The following GRM7 variants were observed in gnomAD, a reference collection of about 807,000 sequenced individuals.
GRM7 encodes the protein glutamate metabotropic receptor 7.
A neutral mutation model predicts 84.5 loss-of-function variants in GRM7; 35 were observed. The observed-to-expected ratio is 0.41, with a 90% CI of 0.32 to 0.55. GRM7 has a LOEUF of 0.55. Among genes scored for constraint, GRM7 ranks in the 20% least tolerant of loss-of-function variants. The pLI is 0.19. For missense variants in GRM7, 1,003 were observed against 1,194.6 expected (o/e 0.84, Z 2.36); for synonymous variants, 487 against 455.1 (o/e 1.07, Z -0.89).
chr3:7,041,913 A>G (rs1402978853), intron 1 of GRM7, among the ~76,000 whole-genome samples: 1 of 152,182 alleles, frequency 6.6e-6, no homozygotes, highest in Non-Finnish European at 1.5e-5. Context: ...ATGGCCAATG[A>G]CTTAACCAAT....
At chr3:6,971,775 GA>G (rs1262823422) in intron 1 of GRM7, among the ~76,000 whole-genome samples, 4 of 152,014 alleles carry the variant, frequency 2.6e-5, no homozygotes, top group African/African-American at 9.7e-5. Flanking sequence ...TGTGGGTTAA[GA>G]AATTCCTTAT....
intron 4 of GRM7, among the ~76,000 whole-genome samples, chr3:7,403,632 T>TATATAC (rs1695546890): frequency 6.9e-6 from 1 of 144,846 alleles, no homozygotes; most frequent in Middle Eastern, 3.6e-3. Context: ...GATATATATA[T>TATATAC]ATATATATAT....
At chr3:7,397,603 A>G (rs937873293) in intron 4 of GRM7, among the ~76,000 whole-genome samples, 1 of 152,162 alleles carries the variant, frequency 6.6e-6, no homozygotes, top group East Asian at 1.9e-4. Context: ...AAGGTAATGC[A>G]CACTCCAATT....
chr3:7,242,567 G>A (rs1382540594), intron 2 of GRM7, among the ~76,000 whole-genome samples: 1 of 152,140 alleles, frequency 6.6e-6, no homozygotes, highest in African/African-American at 2.4e-5. Context: ...TGAAATTGAT[G>A]GGTGTCAGTC....
intron 1 of GRM7, among the ~76,000 whole-genome samples, chr3:6,885,794 A>G (rs953959145): frequency 6.6e-6 from 1 of 152,228 alleles, no homozygotes; most frequent in African/African-American, 2.4e-5. Flanking sequence ...CTCATCTTAC[A>G]TCCTTGTCAT....
chr3:7,344,484 A>C (rs1449197669), intron 4 of GRM7, among the ~76,000 whole-genome samples: 1 of 151,994 alleles, frequency 6.6e-6, no homozygotes, highest in Non-Finnish European at 1.5e-5. Flanking sequence ...TTCTCTATCT[A>C]GTCTGTTATT....
chr3:7,623,667 CCATGGGAGGGGACACCAAGCATGA>C (rs1255787023), intron 8 of GRM7, among the ~76,000 whole-genome samples: 2 of 152,108 alleles, frequency 1.3e-5, no homozygotes, highest in Non-Finnish European at 2.9e-5. Flanking sequence ...ACCAGGACAT[CCATGGGAGGGGACACCAAGCATGA>C]CATGGGAGTT....
intron 1 of GRM7, among the ~76,000 whole-genome samples, chr3:7,032,992 T>G (rs1290940929): frequency 2.0e-5 from 3 of 152,194 alleles, no homozygotes; most frequent in Non-Finnish European, 4.4e-5. Context: ...TTCCTGTAAG[T>G]TCTTGAGGCT....
At position 7,259,953 on chromosome 3, in the gene GRM7, G is replaced by GTTTTTT. The variant is rs1164961076; in HGVS notation, c.737-38724_737-38719dup. 3.0e-4 allele frequency among the ~76,000 whole-genome samples: 27 copies of GTTTTTT among 89,660 alleles called. 4 individuals are homozygous for GTTTTTT. Among genetic ancestry groups the GTTTTTT allele is most frequent in the African/African-American group, 1.3e-3 (22 of 17,070 alleles). The allele number at this position is 89,660 out of a possible 152,430, so 58.8% of individuals were successfully genotyped here. ...TTTCTCTGCAACCTTACCAGCATCT[G>GTTTTTT]TTTTTTTTTTTTGACGTTTTAATAA... On this transcript the variant is annotated intron_variant, in intron 2 of 9. Transcript: ENST00000357716.
At chr3:7,628,734 G>T (rs918771997) in intron 8 of GRM7, among the ~76,000 whole-genome samples, 6 of 152,170 alleles carry the variant, frequency 3.9e-5, no homozygotes, top group Non-Finnish European at 8.8e-5. Context: ...GGCACTGTTT[G>T]CAGTGGAAGG....
intron 2 of GRM7, among the ~76,000 whole-genome samples, chr3:7,252,152 G>A (rs1698014632): frequency 1.3e-5 from 2 of 152,106 alleles, no homozygotes; most frequent in South Asian, 4.2e-4. Flanking sequence ...GGGAGGAGAA[G>A]ATCCCAATAG....
chr3:6,978,693 A>G (rs1028190476), intron 1 of GRM7, among the ~76,000 whole-genome samples: 4 of 152,142 alleles, frequency 2.6e-5, no homozygotes, highest in Non-Finnish European at 5.9e-5. Context: ...CATTATTTCT[A>G]CTAAAGGAGA....
At chr3:7,613,677 G>C (rs1323269969) in intron 8 of GRM7, among the ~76,000 whole-genome samples, 1 of 152,050 alleles carries the variant, frequency 6.6e-6, no homozygotes, top group African/African-American at 2.4e-5. Context: ...TAGATAATCT[G>C]GGCCTTAATT....
intron 1 of GRM7, among the ~76,000 whole-genome samples, chr3:6,867,531 G>A (rs1050886036): frequency 1.3e-5 from 2 of 152,000 alleles, no homozygotes; most frequent in African/African-American, 4.8e-5. Context: ...TATCCCCAGG[G>A]CACAGAAACA....
chr3:7,146,617 A>G lies in GRM7; in HGVS notation c.685A>G (p.Ser229Gly), dbSNP rs1694119075. 6.2e-7 allele frequency: 1 copy of G among 1,613,848 alleles called. No individual in the cohort carries two copies. Among genetic ancestry groups the G allele is most frequent in the African/African-American group, 1.3e-5 (1 of 74,896 alleles). Residue 229 changes from serine to glycine, a missense_variant, in exon 2 of 10, where the codon AGT becomes GGT. By Grantham distance (56) the Ser-to-Gly change is moderately conservative (BLOSUM62 0). Around this residue, in one of 2 missense-constraint regions of GRM7, gnomAD observed 910 missense variants for 1,126.0 expected, o/e 0.81. Transcript: ENST00000357716. ...TGTGTCTACCCTCGCATCGGAAGGA[A>G]GTTATGGAGAGAAAGGTGTGGAGTC... ...NYVSTLASEG[S>G]YGEKGVESFT...
intron 5 of GRM7, among the ~76,000 whole-genome samples, chr3:7,432,278 A>C (rs1696861569): frequency 6.6e-6 from 1 of 152,250 alleles, no homozygotes; most frequent in South Asian, 2.1e-4. Flanking sequence ...ACGCCAGTGT[A>C]AACAAACATA....
At position 7,476,775 on chromosome 3, in the gene GRM7, C is replaced by T. The variant is rs1039874500; in HGVS notation, c.1515+15053C>T. Among the ~76,000 whole-genome samples the T allele has an allele frequency of 2.6e-5, 4 of 152,284 alleles. No homozygotes were observed. The East Asian group carries it at 5.8e-4, about 22-fold the overall frequency. ...ACCTCTCTGCCCTTATTCTGCTGCT[C>T]ATACCCACACTTCTGTCTCAAAGAC... On this transcript the variant is annotated intron_variant, in intron 7 of 9. Transcript: ENST00000357716.
chr3:7,572,939 C>A (rs1412825207), intron 7 of GRM7, among the ~76,000 whole-genome samples: 1 of 135,646 alleles, frequency 7.4e-6, no homozygotes, highest in Admixed American at 7.8e-5. Flanking sequence ...AAAAGGTTGA[C>A]TTTTATAAGT....
At chr3:7,202,874 C>T (rs1489905878) in intron 2 of GRM7, among the ~76,000 whole-genome samples, 1 of 152,116 alleles carries the variant, frequency 6.6e-6, no homozygotes, top group Admixed American at 6.6e-5. Flanking sequence ...GTCTAAAAGC[C>T]CACCAGCATT....
Sources: allele counts gnomAD v4.1 joint callset (sites outside exome capture counted in the v4.1 genomes callset), GRCh38; gene constraint gnomAD v4.1.1; regional missense constraint gnomAD v4.1.1; transcripts MANE v1.5; gene names NCBI Gene and HGNC (gene_info 2026-07-23, HGNC 2026-07-21).